Variants in AIG1 observed in about 807,000 individuals in gnomAD.
AIG1 encodes androgen-induced gene 1 protein.
In AIG1, 23 loss-of-function variants were observed where a neutral mutation model predicts 31.4. The ratio of observed to expected loss-of-function variants is 0.73; its 90% CI spans 0.53 to 1.04. The LOEUF (loss-of-function observed/expected upper bound fraction) is 1.04, where lower values mean the gene tolerates loss of function less well. AIG1 is among the 50% of genes least tolerant of loss of function. The pLI is 0.00. For missense variants in AIG1, 274 were observed against 295.0 expected (o/e 0.93, Z 0.52); for synonymous variants, 100 against 110.5 (o/e 0.90, Z 0.60).
At chr6:143,160,453 G>A (rs1016528464) in intron 2 of AIG1, among the ~76,000 whole-genome samples, 6 of 152,178 alleles carry the variant, frequency 3.9e-5, no homozygotes, top group African/African-American at 1.4e-4. Context: ...GTGACTAGCT[G>A]TCACTCAAGT....
intron 3 of AIG1, chr6:143,190,598 C>T (rs1257695926): frequency 1.0e-6 from 1 of 985,272 alleles, no homozygotes; most frequent in African/African-American, 1.7e-5. Flanking sequence ...TTACAAAAAA[C>T]TTCATTCAGT....
chr6:143,130,760 A>G (rs890504100), intron 1 of AIG1, among the ~76,000 whole-genome samples: 2 of 152,136 alleles, frequency 1.3e-5, no homozygotes, highest in Non-Finnish European at 2.9e-5. Context: ...GTACATGTGC[A>G]AATTTGTTAC....
intron 4 of AIG1, among the ~76,000 whole-genome samples, chr6:143,317,388 G>A (rs1583850997): frequency 6.6e-6 from 1 of 152,086 alleles, no homozygotes; most frequent in Non-Finnish European, 1.5e-5. Context: ...CACATAAACA[G>A]AATTAAAAAC....
At chr6:143,213,245 T>G (rs1403875306) in intron 3 of AIG1, among the ~76,000 whole-genome samples, 2 of 152,210 alleles carry the variant, frequency 1.3e-5, no homozygotes, top group African/African-American at 4.8e-5. Context: ...AAATAATTAT[T>G]GTTAGCTATT....
chr6:143,322,162 G>T (rs901312593), intron 4 of AIG1, among the ~76,000 whole-genome samples: 1 of 151,200 alleles, frequency 6.6e-6, no homozygotes, highest in African/African-American at 2.4e-5. Flanking sequence ...GAGAGAGAGA[G>T]GTTGGTAGTC....
chr6:143,298,154 A>G lies in AIG1; in HGVS notation c.515+13929A>G, dbSNP rs2128694701. On this transcript the variant is annotated intron_variant, in intron 4 of 5. Coordinates refer to ENST00000357847, the MANE Select transcript of AIG1 (RefSeq NM_016108.4). This position sits in a 1 kb window ranked among gnomAD's most constrained non-coding sequence, Gnocchi z 5.1. ...TCTACCTCTGCTGGAAGACTGCAAC[A>G]AAGAAGTGACAATTCATTCATAAAT... Among the ~76,000 whole-genome samples, 1 of 152,260 alleles carries G rather than the reference A, an allele frequency of 6.6e-6. No homozygotes were observed. The highest frequency in any genetic ancestry group is 2.1e-4 in the South Asian group (1 of 4,820).
At chr6:143,277,386 AG>A (rs1342308420) in intron 3 of AIG1, among the ~76,000 whole-genome samples, 1 of 152,218 alleles carries the variant, frequency 6.6e-6, no homozygotes, top group Non-Finnish European at 1.5e-5. Flanking sequence ...TTCGTAGGCA[AG>A]TCCAGTCACA....
chr6:143,267,369 T>G (rs1250665777), intron 3 of AIG1, among the ~76,000 whole-genome samples: 1 of 152,216 alleles, frequency 6.6e-6, no homozygotes, highest in East Asian at 1.9e-4. Context: ...TGGATTGATT[T>G]TTACTTTTAG....
intron 3 of AIG1, among the ~76,000 whole-genome samples, chr6:143,198,386 C>A (rs1790425995): frequency 6.6e-6 from 1 of 152,216 alleles, no homozygotes; most frequent in African/African-American, 2.4e-5. Context: ...AGGACAGAAT[C>A]TGACAGCTAG....
At chr6:143,067,739 C>CTGGCCTT (rs944753143) in intron 1 of AIG1, among the ~76,000 whole-genome samples, 12 of 152,130 alleles carry the variant, frequency 7.9e-5, no homozygotes, top group Admixed American at 7.9e-4. Flanking sequence ...CCAGTCAAAA[C>CTGGCCTT]CACACATTGC....
rs77111118 is a variant in AIG1, at chr6:143,073,914, G to A, written c.141+12848G>A. On this transcript the variant is annotated intron_variant, in intron 1 of 5. Transcript: ENST00000357847. Reference sequence around the variant, plus strand: ...GAAATCACCATGATCCAATAACTTCGCACCAGGCCTCACCTCCAACATTGG... The same window carrying A: ...GAAATCACCATGATCCAATAACTTCACACCAGGCCTCACCTCCAACATTGG... Among the ~76,000 whole-genome samples the A allele has an allele frequency of 2.6e-3, 392 of 152,258 alleles. 2 individuals carry two copies. The highest frequency in any genetic ancestry group is 8.7e-3 in the African/African-American group (363 of 41,562).
intron 3 of AIG1, among the ~76,000 whole-genome samples, chr6:143,257,724 TCTG>T (rs1426046307): frequency 6.6e-6 from 1 of 152,246 alleles, no homozygotes; most frequent in Non-Finnish European, 1.5e-5. Flanking sequence ...GTGTTTTTAA[TCTG>T]CTGTTTTAAC....
chr6:143,063,284 C>G (rs1776413246), intron 1 of AIG1, among the ~76,000 whole-genome samples: 1 of 152,188 alleles, frequency 6.6e-6, no homozygotes, highest in Non-Finnish European at 1.5e-5. Flanking sequence ...ACAGTAGATT[C>G]AAATGTGAAA....
At chr6:143,115,605 A>G (rs1781664630) in intron 1 of AIG1, among the ~76,000 whole-genome samples, 1 of 152,214 alleles carries the variant, frequency 6.6e-6, no homozygotes, top group South Asian at 2.1e-4. Context: ...TCTACCTCTC[A>G]TAGTTACAGA....
chr6:143,201,635 A>G (rs1321046091), intron 3 of AIG1, among the ~76,000 whole-genome samples: 2 of 152,228 alleles, frequency 1.3e-5, no homozygotes, highest in African/African-American at 4.8e-5. Flanking sequence ...TTGCTCTTCT[A>G]TCCATCAGAT....
At chr6:143,172,152 A>G (rs560338070) in intron 3 of AIG1, among the ~76,000 whole-genome samples, 1 of 151,848 alleles carries the variant, frequency 6.6e-6, no homozygotes, top group Non-Finnish European at 1.5e-5. Context: ...TACTCTGTTG[A>G]TTGTTTCTTT....
chr6:143,311,105 A>G (rs1183255689), intron 4 of AIG1, among the ~76,000 whole-genome samples: 1 of 151,938 alleles, frequency 6.6e-6, no homozygotes, highest in African/African-American at 2.4e-5. Flanking sequence ...TGAGGCCAGC[A>G]TTGCCTTAAT....
At chr6:143,282,568 T>A (rs867867386) in intron 3 of AIG1, among the ~76,000 whole-genome samples, 6 of 152,120 alleles carry the variant, frequency 3.9e-5, no homozygotes, top group Non-Finnish European at 7.4e-5. Context: ...TATACTGTTT[T>A]AAAAAAATAG....
chr6:143,075,080 T>C (rs2128464337), intron 1 of AIG1, among the ~76,000 whole-genome samples: 1 of 152,354 alleles, frequency 6.6e-6, no homozygotes, highest in South Asian at 2.1e-4. Context: ...AATTGGTCAA[T>C]TTCATCTTTC....
Sources: gnomAD v4.1 joint callset for allele counts (sites outside exome capture counted in the v4.1 genomes callset) on GRCh38, gnomAD v4.1.1 for gene constraint, Gnocchi (gnomAD v3.1) non-coding constraint, MANE v1.5 for transcripts, NCBI Gene and HGNC (gene_info 2026-07-23, HGNC 2026-07-21) for gene names.